The following ABTB2 variants were observed in gnomAD, a reference collection of about 807,000 sequenced individuals.
The protein encoded by ABTB2 is ankyrin repeat and BTB/POZ domain-containing protein 2.
A neutral mutation model predicts 104.1 loss-of-function variants in ABTB2; 56 were observed. The ratio of observed to expected loss-of-function variants is 0.54; its 90% confidence interval spans 0.43 to 0.67. The LOEUF (loss-of-function observed/expected upper bound fraction) is 0.67, where lower values mean the gene tolerates loss of function less well. Among genes scored for constraint, ABTB2 ranks in the 30% least tolerant of loss-of-function variants. The probability of loss-of-function intolerance (pLI) is 0.00; values close to 1 mark genes in which losing one functional copy is unlikely to be tolerated. For missense variants in ABTB2, 1,279 were observed against 1,407.7 expected (o/e 0.91, Z 1.46); for synonymous variants, 606 against 608.2 (o/e 1.00, Z 0.05).
At position 34,357,254 on chromosome 11, in the gene ABTB2, T is replaced by C. The variant is rs1199121532; in HGVS notation, c.330A>G (p.Lys110=). ...GGGGCAGCCGCCGGCCGCCAGCGCCTTTGCGGAGCACCCGGGCCACGTCTC... is the reference window on the plus strand; with the variant it reads ...GGGGCAGCCGCCGGCCGCCAGCGCCCTTGCGGAGCACCCGGGCCACGTCTC... ...TEGDVARVLR[K]GAGGRRLPQF... The change falls in exon 1 of 17, where the codon AAA becomes AAG. Residue 110 remains lysine (K), a synonymous_variant. Transcript: ENST00000435224. 1.3e-6 allele frequency: 2 copies of C among 1,496,098 alleles called. No homozygotes were observed. The highest frequency in any genetic ancestry group is 2.6e-5 in the South Asian group (2 of 76,834). 92.7% of individuals were successfully genotyped at this position (1,496,098 alleles called of 1,614,324 possible).
chr11:34,335,550 G>A (rs1352478076), intron 1 of ABTB2: 52 of 1,347,020 alleles, frequency 3.9e-5, no homozygotes, highest in Admixed American at 1.9e-4. Flanking sequence ...TTCTGGACAC[G>A]TTTGTATTGC....
chr11:34,269,346 T>C (rs898426615), intron 1 of ABTB2, among the ~76,000 whole-genome samples: 1 of 152,206 alleles, frequency 6.6e-6, no homozygotes, highest in Non-Finnish European at 1.5e-5. Flanking sequence ...GCAGATTTGC[T>C]TCTGTGAGAT....
At chr11:34,227,882 G>A (rs1312295712) in intron 1 of ABTB2, among the ~76,000 whole-genome samples, 3 of 144,980 alleles carry the variant, frequency 2.1e-5, no homozygotes, top group Admixed American at 1.4e-4. Context: ...TTACAGGCAC[G>A]TGCCACCACA....
intron 1 of ABTB2, among the ~76,000 whole-genome samples, chr11:34,346,379 G>A (rs1330005555): frequency 6.6e-6 from 1 of 152,116 alleles, no homozygotes; most frequent in East Asian, 1.9e-4. Context: ...TCACCACAGT[G>A]CCGGCCTGCC....
intron 1 of ABTB2, among the ~76,000 whole-genome samples, chr11:34,290,155 C>T (rs902741116): frequency 2.0e-5 from 3 of 152,116 alleles, no homozygotes; most frequent in African/African-American, 7.2e-5. Flanking sequence ...GAGATGAAAC[C>T]GAAATAATCA....
chr11:34,245,932 C>T (rs1174021688), intron 1 of ABTB2, among the ~76,000 whole-genome samples: 4 of 152,208 alleles, frequency 2.6e-5, no homozygotes, highest in Admixed American at 2.0e-4. Context: ...GCTGCAGCCA[C>T]GGAAACACAT....
intron 1 of ABTB2, among the ~76,000 whole-genome samples, chr11:34,218,161 A>G (rs899600349): frequency 6.6e-6 from 1 of 152,164 alleles, no homozygotes; most frequent in Non-Finnish European, 1.5e-5. Flanking sequence ...TGAGTTTTAA[A>G]AGTTCTTTGC....
intron 1 of ABTB2, among the ~76,000 whole-genome samples, chr11:34,337,572 C>A (rs1261692059): frequency 6.6e-6 from 1 of 152,202 alleles, no homozygotes; most frequent in East Asian, 1.9e-4. Context: ...ATCTCAAACG[C>A]TGGCTCTGCT....
chr11:34,209,085 C>A (rs1304469424), intron 1 of ABTB2, among the ~76,000 whole-genome samples: 1 of 152,188 alleles, frequency 6.6e-6, no homozygotes, highest in East Asian at 1.9e-4. Flanking sequence ...GTGGCTCAGG[C>A]CTGTAATTCC....
intron 4 of ABTB2, 87 bp downstream of exon 4, chr11:34,173,068 C>A: frequency 6.4e-7 from 1 of 1,558,610 alleles, no homozygotes. Flanking sequence ...TGACCCCCGC[C>A]CAGCCATCTG....
Position 34,173,265 on chromosome 11 carries a change from C to T in ABTB2, c.1287G>A (p.Val429=). 1 of 1,608,866 alleles carries T rather than the reference C, an allele frequency of 6.2e-7. No individual in the cohort carries two copies. The highest frequency in any genetic ancestry group is 8.5e-7 in the Non-Finnish European group (1 of 1,178,092). ...LLPPLMEWMR[V]AITYAEHRRS... ...GGCGGTGCTCTGCGTAGGTGATGGC[C>T]ACGCGCATCCACTCCATGAGGGGCG... is the stretch of plus-strand genomic sequence containing the variant. Residue 429 remains valine (V), a synonymous_variant, in exon 4 of 17, where the codon GTG becomes GTA. Transcript: ENST00000435224.
At chr11:34,275,790 T>C (rs1470700604) in intron 1 of ABTB2, among the ~76,000 whole-genome samples, 1 of 152,208 alleles carries the variant, frequency 6.6e-6, no homozygotes, top group African/African-American at 2.4e-5. Flanking sequence ...CAATCTTTCA[T>C]GTCAAGAACA....
chr11:34,313,286 G>C (rs1854880727), intron 1 of ABTB2, among the ~76,000 whole-genome samples: 1 of 152,222 alleles, frequency 6.6e-6, no homozygotes, highest in South Asian at 2.1e-4. Context: ...GGCTCTGAAA[G>C]GCTGGCTCCC....
intron 3 of ABTB2, among the ~76,000 whole-genome samples, chr11:34,180,414 G>A (rs1853012313): frequency 6.6e-6 from 1 of 152,208 alleles, no homozygotes; most frequent in Admixed American, 6.5e-5. Context: ...ATTACTTCAA[G>A]GGATCAGCAA....
intron 1 of ABTB2, among the ~76,000 whole-genome samples, chr11:34,280,736 C>T (rs1408089328): frequency 1.3e-5 from 2 of 152,114 alleles, no homozygotes; most frequent in Admixed American, 6.5e-5. Flanking sequence ...AACCACCCTG[C>T]GAGGTAAGTA....
rs940971912 is a variant in ABTB2 at position 34,311,860 on chromosome 11, G to C, written c.883+44841C>G. On this transcript the variant is annotated intron_variant, in intron 1 of 16. Coordinates refer to ENST00000435224, the MANE Select transcript of ABTB2 (RefSeq NM_145804.3). ...GTTCATTCAGAGAAAGCCAATGGGG[G>C]CCGGGCATGGTGGCTCACACCTGTA... Among the ~76,000 whole-genome samples, 10 of 152,346 alleles carry C rather than the reference G, an allele frequency of 6.6e-5. No homozygotes were observed. The East Asian group carries it at 1.9e-3, about 29-fold the overall frequency.
chr11:34,350,737 T>C (rs1855388617), intron 1 of ABTB2, among the ~76,000 whole-genome samples: 2 of 152,246 alleles, frequency 1.3e-5, no homozygotes, highest in Admixed American at 1.3e-4. Context: ...GTGTTGTTCT[T>C]GCTATGAGTT....
intron 4 of ABTB2, among the ~76,000 whole-genome samples, chr11:34,172,494 C>T (rs1852897582): frequency 7.0e-6 from 1 of 142,936 alleles, no homozygotes; most frequent in Non-Finnish European, 1.5e-5. Context: ...AAAAGGCTCT[C>T]ATGGGCCTAG....
chr11:34,227,094 C>T (rs543901575), intron 1 of ABTB2, among the ~76,000 whole-genome samples: 4 of 151,730 alleles, frequency 2.6e-5, no homozygotes, highest in Non-Finnish European at 4.4e-5. Context: ...GCCAACATGG[C>T]GAAATCCCGT....
Sources: gnomAD v4.1 joint callset for allele counts (sites outside exome capture counted in the v4.1 genomes callset) on GRCh38, gnomAD v4.1.1 for gene constraint, MANE v1.5 for transcripts, NCBI Gene and HGNC (gene_info 2026-07-23, HGNC 2026-07-21) for gene names.